GTF2IRD1: variants seen among roughly 807,000 people sequenced by gnomAD.
GTF2IRD1 encodes the protein general transcription factor II-I repeat domain-containing protein 1.
GTF2IRD1 carries 26 observed loss-of-function variants against 113.2 expected under a neutral mutation model. The observed-to-expected ratio is 0.23, with a 90% CI of 0.17 to 0.32. GTF2IRD1 has a LOEUF of 0.32. Ranked by LOEUF, GTF2IRD1 falls within the 10% of genes least tolerant of loss-of-function variation. The pLI, the probability that GTF2IRD1 is intolerant of heterozygous loss-of-function variation, is 1.00. For synonymous variants in GTF2IRD1, 484 were observed against 529.1 expected, an observed-to-expected ratio of 0.91 and a Z score of 1.17; for missense variants, 864 against 1,280.8, an observed-to-expected ratio of 0.67 and a Z score of 4.97.
At chr7:74,460,173 C>T (rs1267122149) in intron 1 of GTF2IRD1, among the ~76,000 whole-genome samples, 3 of 151,938 alleles carry the variant, frequency 2.0e-5, no homozygotes, top group Admixed American at 6.6e-5. Context: ...GATGGGGTTT[C>T]GCCATGTTGC....
At chr7:74,497,354 C>T (rs1003400296) in intron 1 of GTF2IRD1, among the ~76,000 whole-genome samples, 6 of 152,158 alleles carry the variant, frequency 3.9e-5, no homozygotes, top group East Asian at 1.9e-4. Flanking sequence ...CCCCAACCTC[C>T]GCAGGCTCAA....
At chr7:74,472,864 G>A (rs1056207630) in intron 1 of GTF2IRD1, among the ~76,000 whole-genome samples, 2 of 152,246 alleles carry the variant, frequency 1.3e-5, no homozygotes, top group Admixed American at 6.5e-5. Flanking sequence ...TCCTGCTCCT[G>A]GTTCGGGAGG....
intron 1 of GTF2IRD1, among the ~76,000 whole-genome samples, chr7:74,503,764 A>T (rs906442121): frequency 9.9e-5 from 15 of 152,208 alleles, no homozygotes; most frequent in African/African-American, 3.6e-4. Flanking sequence ...AATAATTTTA[A>T]CTTTTATTTT....
At chr7:74,479,207 G>A (rs868908565) in intron 1 of GTF2IRD1, among the ~76,000 whole-genome samples, 4 of 152,148 alleles carry the variant, frequency 2.6e-5, no homozygotes, top group Admixed American at 1.3e-4. Context: ...CACTGCCCAC[G>A]TCTCACCCCT....
At chr7:74,558,364 T>TTTTTTTTTTTTTTTTTTTTTTG (rs1554357920) in intron 20 of GTF2IRD1, among the ~76,000 whole-genome samples, 2 of 121,280 alleles carry the variant, frequency 1.6e-5, no homozygotes, top group Non-Finnish European at 3.5e-5. Flanking sequence ...TTTTTTTTTT[T>TTTTTTTTTTTTTTTTTTTTTTG]TTTTTTTTTT....
chr7:74,589,423 C>T (rs1446301154), intron 22 of GTF2IRD1, among the ~76,000 whole-genome samples: 1 of 151,954 alleles, frequency 6.6e-6, no homozygotes, highest in Non-Finnish European at 1.5e-5. Context: ...TGCAGCCAGG[C>T]ACAGTGGCTC....
intron 1 of GTF2IRD1, among the ~76,000 whole-genome samples, chr7:74,471,709 A>AAAC: frequency 6.8e-6 from 1 of 146,738 alleles, no homozygotes; most frequent in Non-Finnish European, 1.5e-5. Flanking sequence ...AAACAAAAAA[A>AAAC]ACGGCCGGGT....
chr7:74,561,181 T>A (rs1799936052), intron 22 of GTF2IRD1, among the ~76,000 whole-genome samples: 1 of 151,418 alleles, frequency 6.6e-6, no homozygotes, highest in South Asian at 2.1e-4. Flanking sequence ...AAACCCCATG[T>A]CTATTTAAAA....
In GTF2IRD1 at chr7:74,558,903, A is replaced by G. The variant is rs1583884412; in HGVS notation, c.2150A>G (p.Lys717Arg). ...AAGTACCCGGTCCAGGTCCCCTACAAGCGGATCAAGAGTAACCCCGGCTCC... is the reference window on the plus strand; with the variant it reads ...AAGTACCCGGTCCAGGTCCCCTACAGGCGGATCAAGAGTAACCCCGGCTCC... The part of the protein sequence containing the change: ...GIKYPVQVPY[K>R]RIKSNPGSVI... Residue 717 changes from lysine to arginine, a missense_variant, in exon 21 of 27, where the codon AAG becomes AGG. Transcript: ENST00000424337. 2 of 1,613,942 alleles carry G rather than the reference A, an allele frequency of 1.2e-6. No homozygotes were observed. Among genetic ancestry groups the G allele is most frequent in the Non-Finnish European group, 8.5e-7 (1 of 1,179,968 alleles).
At chr7:74,524,290 A>C in intron 8 of GTF2IRD1, 136 bp downstream of exon 8, 1 of 618,022 alleles carries the variant, frequency 1.6e-6, no homozygotes, top group Non-Finnish European at 2.9e-6. Flanking sequence ...CGCTAATGTC[A>C]TCCGTCGCGG....
chr7:74,541,171 C>T (rs1554351640), intron 14 of GTF2IRD1, among the ~76,000 whole-genome samples: 1 of 151,786 alleles, frequency 6.6e-6, no homozygotes, highest in African/African-American at 2.4e-5. Context: ...TACACATCCT[C>T]GTGCGGAGAG....
At chr7:74,518,105 A>C in intron 4 of GTF2IRD1, 34 bp from the exon 5 acceptor site, 1 of 1,419,458 alleles carries the variant, frequency 7.0e-7, no homozygotes, top group African/African-American at 1.5e-5. Flanking sequence ...CTGCCCTCTC[A>C]TACCAGGCCC....
At chr7:74,510,671 A>G (rs1796572787) in intron 2 of GTF2IRD1, among the ~76,000 whole-genome samples, 2 of 152,138 alleles carry the variant, frequency 1.3e-5, no homozygotes, top group Admixed American at 6.6e-5. Flanking sequence ...CACCAGCCTC[A>G]TTTTACGTGC....
intron 25 of GTF2IRD1, among the ~76,000 whole-genome samples, chr7:74,599,033 G>A (rs1292496009): frequency 5.9e-5 from 9 of 152,254 alleles, no homozygotes; most frequent in East Asian, 3.9e-4. Flanking sequence ...AGTGGCTCAC[G>A]CCTGTAATCC....
At chr7:74,476,221 C>T (rs1041737603) in intron 1 of GTF2IRD1, among the ~76,000 whole-genome samples, 5 of 152,040 alleles carry the variant, frequency 3.3e-5, no homozygotes, top group African/African-American at 4.8e-5. Flanking sequence ...TGGTGGGTCC[C>T]GCCCAAGCCC....
intron 1 of GTF2IRD1, among the ~76,000 whole-genome samples, chr7:74,460,108 TG>T (rs1412982137): frequency 6.6e-6 from 1 of 151,450 alleles, no homozygotes; most frequent in Non-Finnish European, 1.5e-5. Context: ...CCCAAGTAGG[TG>T]GGACCACAGG....
At chr7:74,570,426 A>G (rs1365440407) in intron 22 of GTF2IRD1, among the ~76,000 whole-genome samples, 1 of 151,524 alleles carries the variant, frequency 6.6e-6, no homozygotes, top group Non-Finnish European at 1.5e-5. Flanking sequence ...TCGGGAGGCC[A>G]AGGCAGGAGG....
chr7:74,520,304 A>G (rs9638190), intron 6 of GTF2IRD1, among the ~76,000 whole-genome samples: 43,964 of 151,562 alleles, frequency 0.29, 7,506 homozygotes, highest in African/African-American at 0.46. Flanking sequence ...TCCTGGGGTG[A>G]ACAGGACAAA....
chr7:74,548,658 A>G (rs1257282879), intron 17 of GTF2IRD1, among the ~76,000 whole-genome samples: 2 of 152,008 alleles, frequency 1.3e-5, no homozygotes, highest in Admixed American at 6.6e-5. Flanking sequence ...AGTCTCAGCT[A>G]CTCAGGAGGC....
Sources: gnomAD v4.1 joint callset for allele counts (sites outside exome capture counted in the v4.1 genomes callset) on GRCh38, gnomAD v4.1.1 for gene constraint, MANE v1.5 for transcripts, NCBI Gene and HGNC (gene_info 2026-07-23, HGNC 2026-07-21) for gene names.